Variants in UBL3 observed in about 807,000 individuals in gnomAD.
UBL3 encodes the protein ubiquitin-like protein 3.
A neutral mutation model predicts 18.4 loss-of-function variants in UBL3; 6 were observed. The observed-to-expected ratio is 0.33, with a 90% CI of 0.18 to 0.64. The LOEUF (loss-of-function observed/expected upper bound fraction) is 0.64, where lower values mean the gene tolerates loss of function less well. UBL3 is among the 30% of genes least tolerant of loss of function. UBL3 has a pLI of 0.76. For missense variants in UBL3, 109 were observed against 142.9 expected (o/e 0.76, Z 1.21); for synonymous variants, 49 against 46.6 (o/e 1.05, Z -0.21).
intron 1 of UBL3, among the ~76,000 whole-genome samples, chr13:29,831,958 C>T (rs761484079): frequency 1.3e-5 from 2 of 152,126 alleles, no homozygotes; most frequent in Admixed American, 6.5e-5. Context: ...AGTAAAAATT[C>T]GCTTCCTCAA....
chr13:29,814,507 C>T (rs1486455179), intron 1 of UBL3, among the ~76,000 whole-genome samples: 1 of 151,852 alleles, frequency 6.6e-6, no homozygotes, highest in African/African-American at 2.4e-5. Context: ...AAATTTTGTA[C>T]ATGAGTAAAG....
intron 3 of UBL3, among the ~76,000 whole-genome samples, chr13:29,769,562 G>A (rs762429675): frequency 2.6e-5 from 4 of 152,000 alleles, no homozygotes; most frequent in Non-Finnish European, 4.4e-5. Context: ...GAGAGGGCAT[G>A]CAGAAATCTG....
At chr13:29,835,390 T>C (rs1014668709) in intron 1 of UBL3, among the ~76,000 whole-genome samples, 5 of 151,038 alleles carry the variant, frequency 3.3e-5, no homozygotes, top group African/African-American at 1.2e-4. Flanking sequence ...AGTATACTGA[T>C]GAGCATCCTA....
intron 2 of UBL3, among the ~76,000 whole-genome samples, chr13:29,775,217 T>C (rs1876949709): frequency 6.6e-6 from 1 of 152,184 alleles, no homozygotes; most frequent in Non-Finnish European, 1.5e-5. Flanking sequence ...AGAGTTATAT[T>C]TGCATTTTCT....
At chr13:29,785,673 G>A (rs1052723417) in intron 1 of UBL3, among the ~76,000 whole-genome samples, 24 of 152,226 alleles carry the variant, frequency 1.6e-4, no homozygotes, top group African/African-American at 5.8e-4. Context: ...CAATTGCAGC[G>A]CTAAAATATG....
intron 1 of UBL3, among the ~76,000 whole-genome samples, chr13:29,785,322 G>A (rs1355875279): frequency 6.6e-6 from 1 of 151,430 alleles, no homozygotes; most frequent in African/African-American, 2.4e-5. Context: ...AAAACTGCAT[G>A]GTTAATTTAT....
rs891780050 is a variant in UBL3, at chr13:29,767,144, T to C, written c.*111A>G. 1.9e-6 allele frequency: 2 copies of C among 1,069,906 alleles called. No individual in the cohort carries two copies. The highest frequency in any genetic ancestry group is 1.4e-6 in the Non-Finnish European group (1 of 731,626). 66.3% of individuals were successfully genotyped at this position (1,069,906 alleles called of 1,614,324 possible). On this transcript the variant is annotated 3_prime_UTR_variant, in exon 5 of 5. Transcript: ENST00000380680. ...GTGTTCATGTGGTAATTCAGTTCCA[T>C]GTGTTTACAGGCAGACTGTTCTGAA...
intron 1 of UBL3, among the ~76,000 whole-genome samples, chr13:29,804,086 A>T (rs996974408): frequency 5.6e-5 from 8 of 144,086 alleles, no homozygotes; most frequent in East Asian, 2.0e-4. Flanking sequence ...TCAGCTAAAT[A>T]AAAAAAAAAA....
Position 29,835,647 on chromosome 13 carries a change from C to T in UBL3, c.27+13865G>A, listed in dbSNP as rs146555920. Among the ~76,000 whole-genome samples, 198 of 144,596 alleles carry T rather than the reference C, an allele frequency of 1.4e-3. No individual in the cohort carries two copies. The Middle Eastern group carries it at 0.015, about 11-fold the overall frequency. The allele number at this position is 144,596 out of a possible 152,430, so 94.9% of individuals were successfully genotyped here. ...GTGCGTGCCTGTAGTCCCATCTACT[C>T]GGGAGGCTGAGGCAGGAGAATCACT... On this transcript the variant is annotated intron_variant, in intron 1 of 4. Transcript: ENST00000380680.
intron 1 of UBL3, among the ~76,000 whole-genome samples, chr13:29,814,429 TAA>T: frequency 6.6e-6 from 1 of 151,908 alleles, no homozygotes; most frequent in Non-Finnish European, 1.5e-5. Flanking sequence ...AATAATCATT[TAA>T]TATATAGAGA....
At chr13:29,783,506 G>C (rs371512091) in intron 1 of UBL3, among the ~76,000 whole-genome samples, 2 of 152,152 alleles carry the variant, frequency 1.3e-5, no homozygotes, top group Non-Finnish European at 2.9e-5. Flanking sequence ...ATTTCCTTTA[G>C]AAGAAATCTT....
chr13:29,794,141 T>C lies in UBL3; in HGVS notation c.28-16878A>G, dbSNP rs376120554. Among the ~76,000 whole-genome samples the C allele has an allele frequency of 1.4e-4, 22 of 152,318 alleles. No individual in the cohort carries two copies. The East Asian group carries it at 1.7e-3, about 12-fold the overall frequency. On this transcript the variant is annotated intron_variant, in intron 1 of 4. Transcript: ENST00000380680. ...GATTACAAGTGTGAGCCACTGCACC[T>C]GGCCTATTAGATATTATCTTATTTT...
chr13:29,792,690 A>AAT (rs1877512396), intron 1 of UBL3, among the ~76,000 whole-genome samples: 1 of 152,256 alleles, frequency 6.6e-6, no homozygotes. Flanking sequence ...ATGTCTCTGG[A>AAT]ATACTCATGA....
intron 1 of UBL3, among the ~76,000 whole-genome samples, chr13:29,819,176 T>G (rs934363730): frequency 6.6e-6 from 1 of 152,230 alleles, no homozygotes; most frequent in Non-Finnish European, 1.5e-5. Flanking sequence ...TACTTCTGTA[T>G]GTTTGAAATT....
chr13:29,767,541 T>C (rs1386716280), intron 4 of UBL3, 77 bp downstream of exon 4: 1 of 1,490,126 alleles, frequency 6.7e-7, no homozygotes, highest in African/African-American at 1.4e-5. Context: ...TCCCTCAGCA[T>C]ATCCAAGAAA....
At chr13:29,782,189 T>C (rs903435346) in intron 1 of UBL3, among the ~76,000 whole-genome samples, 12 of 152,302 alleles carry the variant, frequency 7.9e-5, no homozygotes, top group African/African-American at 2.4e-4. Flanking sequence ...TTCTAGATAA[T>C]GTTCAATTAT....
chr13:29,778,371 A>AT (rs1413201728), intron 1 of UBL3, among the ~76,000 whole-genome samples: 1 of 152,192 alleles, frequency 6.6e-6, no homozygotes, highest in Non-Finnish European at 1.5e-5. Context: ...AAAAAACACC[A>AT]TATCTATGTA....
rs149234772 is a variant in UBL3 at position 29,777,458 on chromosome 13, G to GGT, written c.28-197_28-196dup. 3.3e-3 allele frequency: 2,233 copies of GGT among 671,606 alleles called. 32 individuals are homozygous for GGT. The African/African-American group carries it at 0.034, about 10-fold the overall frequency. 41.6% of individuals were successfully genotyped at this position (671,606 alleles called of 1,614,324 possible). On this transcript the variant is annotated intron_variant, in intron 1 of 4. Transcript: ENST00000380680. ...TGATTTTATTTCCTATTATTTAAAG[G>GGT]GTGTGTGTGTGTGTCAGACATATTT...
intron 1 of UBL3, among the ~76,000 whole-genome samples, chr13:29,823,011 G>T (rs1431869022): frequency 4.6e-5 from 7 of 151,886 alleles, no homozygotes; most frequent in African/African-American, 1.2e-4. Flanking sequence ...GTAAGAAGAA[G>T]AATTTTATAA....
Sources: gnomAD v4.1 joint callset for allele counts (sites outside exome capture counted in the v4.1 genomes callset) on GRCh38, gnomAD v4.1.1 for gene constraint, MANE v1.5 for transcripts, NCBI Gene and HGNC (gene_info 2026-07-23, HGNC 2026-07-21) for gene names.